The following CA5B variants were observed in gnomAD, a reference collection of about 807,000 sequenced individuals.
The protein encoded by CA5B is carbonic anhydrase 5B, mitochondrial.
Under a neutral mutation model 23.1 loss-of-function variants are expected in CA5B, and 15 were observed. The ratio of observed to expected loss-of-function variants is 0.65; its 90% CI spans 0.43 to 1.00. The LOEUF is 1.00. Among genes scored for constraint, CA5B ranks in the 50% least tolerant of loss-of-function variants. The probability of loss-of-function intolerance (pLI) is 0.00; values close to 1 mark genes in which losing one functional copy is unlikely to be tolerated. For synonymous variants in CA5B, 84 were observed against 98.5 expected, an observed-to-expected ratio of 0.85 and a Z score of 0.87; for missense variants, 236 against 252.2, an observed-to-expected ratio of 0.94 and a Z score of 0.43.
chrX:15,775,308 G>T lies in CA5B; in HGVS notation c.618G>T (p.Lys206Asn). 1 of 1,188,602 alleles carries T rather than the reference G, an allele frequency of 8.4e-7. No individual in the cohort carries two copies. Among genetic ancestry groups the T allele is most frequent in the Non-Finnish European group, 1.1e-6 (1 of 881,085 alleles). The change falls in exon 6 of 8, where the codon AAG (lysine) becomes AAT (asparagine). Residue 206 changes from lysine to asparagine, a missense_variant and splice_region_variant. Physicochemically the swap from Lys to Asn is moderately conservative, Grantham distance 94. Around this residue, in one of 3 missense-constraint regions of CA5B, gnomAD observed 170 missense variants for 162.0 expected, o/e 1.05. Transcript: ENST00000318636. The part of the protein sequence containing the change: ...LVDTLPSIKH[K>N]DALVEFGSFD... ...ATACTTTGCCGTCAATTAAGCATAA[G>T]GTACTATTTGTTTTCCTTAATTACT... is the stretch of plus-strand genomic sequence containing the variant.
Position 15,782,513 on chromosome X carries a change from C to G in CA5B, c.803C>G (p.Thr268Ser). 1 of 1,211,117 alleles carries G rather than the reference C, an allele frequency of 8.3e-7. No individual in the cohort carries two copies. The highest frequency in any genetic ancestry group is 1.1e-6 in the Non-Finnish European group (1 of 894,988). The change falls in exon 8 of 8, where the codon ACT becomes AGT. Residue 268 changes from threonine to serine, a missense_variant. Thr to Ser is a moderately conservative substitution (Grantham distance 58, BLOSUM62 1). Transcript: ENST00000318636. The stretch of plus-strand genomic sequence containing the variant: ...GAGCAATTTCGGACCCTGCTTTTCA[C>G]TTCCGAAGGGGAGAAAGAGAAAAGA... ...QLEQFRTLLF[T>S]SEGEKEKRMV...
chrX:15,781,123 A>G (rs776571520), intron 7 of CA5B, among the ~76,000 whole-genome samples: 1 of 110,535 alleles, frequency 9.0e-6, no homozygotes, highest in Admixed American at 9.6e-5. Context: ...GATTACAGGC[A>G]TGAGCCACCA....
chrX:15,784,861 C>T lies in CA5B; in HGVS notation c.*2197C>T, dbSNP rs7055587. ...AACTCAACAACAAAAAACCAAATAA[C>T]TCAATTTTTAAAAATGGGCAAAGGA... On this transcript the variant is annotated 3_prime_UTR_variant, in exon 8 of 8. Coordinates refer to ENST00000318636, the MANE Select transcript of CA5B (RefSeq NM_007220.4). The T allele has an allele frequency of 0.33, 36,649 of 111,023 alleles. 4,452 individuals are homozygous for T. Among genetic ancestry groups the T allele is most frequent in the East Asian group, 0.42 (1,474 of 3,546 alleles). 9.1% of individuals were successfully genotyped at this position (111,023 alleles called of 1,213,427 possible).
At chrX:15,776,338 CAA>C (rs1204466142) in intron 6 of CA5B, among the ~76,000 whole-genome samples, 5 of 43,673 alleles carry the variant, frequency 1.1e-4, no homozygotes, top group African/African-American at 1.8e-4. Flanking sequence ...GACTCTGTCT[CAA>C]AAAAAAAAAA....
At position 15,744,551 on chromosome X, in the gene CA5B, G is replaced by A. The variant is rs145575189; in HGVS notation, c.-53-5420G>A. On this transcript the variant is annotated intron_variant, in intron 1 of 7. Coordinates refer to ENST00000318636, the MANE Select transcript of CA5B (RefSeq NM_007220.4). ...AAATTACTATGTCTCATTCTAACTCGATTGTGAGCAAGAAAGGAGGCCTTT... is the reference window on the plus strand; with the variant it reads ...AAATTACTATGTCTCATTCTAACTCAATTGTGAGCAAGAAAGGAGGCCTTT... Among the ~76,000 whole-genome samples the A allele has an allele frequency of 5.4e-3, 602 of 112,031 alleles. 6 individuals carry two copies. The highest frequency in any genetic ancestry group is 0.018 in the African/African-American group (544 of 30,835).
chrX:15,750,543 T>A (rs1247260308), intron 2 of CA5B: 1 of 122,185 alleles, frequency 8.2e-6, no homozygotes, highest in African/African-American at 3.2e-5. Flanking sequence ...GCAATTGTCT[T>A]TTTTTTTTTC....
chrX:15,749,796 G>A, intron 1 of CA5B, 175 bp from the exon 2 acceptor site: 2 of 371,490 alleles, frequency 5.4e-6, no homozygotes, highest in Non-Finnish European at 9.3e-6. Context: ...CTCCACTGAG[G>A]GGACCAATGA....
chrX:15,775,524 T>A lies in CA5B; in HGVS notation c.618+216T>A, dbSNP rs1569280729. On this transcript the variant is annotated intron_variant, in intron 6 of 7. Transcript: ENST00000318636. ...GTTTTGCTGCAGTGCCGCTGAGGAC[T>A]TGGGGACTCAGGAACATATTGCTGT... is the stretch of plus-strand genomic sequence containing the variant. 17 of 941,156 alleles carry A rather than the reference T, an allele frequency of 1.8e-5. No homozygotes were observed. In the South Asian group the frequency reaches 6.4e-4, roughly 35 times the overall value. 77.6% of individuals were successfully genotyped at this position (941,156 alleles called of 1,213,427 possible).
intron 4 of CA5B, among the ~76,000 whole-genome samples, chrX:15,773,426 T>C (rs1249807572): frequency 5.7e-5 from 2 of 35,164 alleles, no homozygotes; most frequent in Non-Finnish European, 1.1e-4. Context: ...TTTTTTTTTT[T>C]TGGGACAGAG....
At chrX:15,742,498 C>T (rs1040654311) in intron 1 of CA5B, among the ~76,000 whole-genome samples, 6 of 112,337 alleles carry the variant, frequency 5.3e-5, no homozygotes, top group African/African-American at 9.7e-5. Flanking sequence ...CTCAGCCTCC[C>T]GAGTAGCTGG....
intron 6 of CA5B, chrX:15,776,030 T>C (rs1318412631): frequency 2.7e-6 from 2 of 751,373 alleles, no homozygotes; most frequent in African/African-American, 4.7e-5. Context: ...CAATTCTCAG[T>C]TAGCCTCTCG....
chrX:15,776,977 A>G (rs1486670891), intron 7 of CA5B, 108 bp downstream of exon 7: 2 of 630,740 alleles, frequency 3.2e-6, no homozygotes, highest in African/African-American at 2.2e-5. Context: ...ATGCTTATAC[A>G]TTTTTATTGA....
chrX:15,761,667 G>T (rs1409613118), intron 2 of CA5B, among the ~76,000 whole-genome samples: 1 of 111,362 alleles, frequency 9.0e-6, no homozygotes, highest in Non-Finnish European at 1.9e-5. Flanking sequence ...TTAGACCAGG[G>T]TTTATCAACT....
At chrX:15,765,508 G>T (rs781055704) in intron 3 of CA5B, 1 of 110,084 alleles carries the variant, frequency 9.1e-6, no homozygotes, top group African/African-American at 3.3e-5. Context: ...TTGCTTGTTT[G>T]TTTTACTGCA....
chrX:15,771,204 CAAAA>C (rs758945690), intron 3 of CA5B, among the ~76,000 whole-genome samples: 2 of 30,187 alleles, frequency 6.6e-5, no homozygotes, highest in Non-Finnish European at 1.1e-4. Flanking sequence ...CTCATCTCTA[CAAAA>C]AAAAAAAAAA....
chrX:15,764,320 A>G (rs5936043), intron 2 of CA5B, among the ~76,000 whole-genome samples: 38,163 of 107,480 alleles, frequency 0.36, 5,166 homozygotes, highest in Admixed American at 0.42. Flanking sequence ...ATGGCTCACA[A>G]CAGCCTCGAC....
At chrX:15,781,469 C>A (rs1932022489) in intron 7 of CA5B, among the ~76,000 whole-genome samples, 1 of 111,967 alleles carries the variant, frequency 8.9e-6, no homozygotes, top group Non-Finnish European at 1.9e-5. Context: ...AAATAAAATT[C>A]AGTTCCTCAG....
chrX:15,744,708 G>A (rs1415071581), intron 1 of CA5B, among the ~76,000 whole-genome samples: 1 of 110,521 alleles, frequency 9.0e-6, no homozygotes, highest in African/African-American at 3.3e-5. Context: ...CCTCATCATC[G>A]CGGAAGGTTC....
chrX:15,756,752 A>T (rs1024296386), intron 2 of CA5B, among the ~76,000 whole-genome samples: 1 of 111,717 alleles, frequency 9.0e-6, no homozygotes, highest in African/African-American at 3.3e-5. Context: ...CTCTACAAAA[A>T]ATTTTATTTA....
Sources: allele counts gnomAD v4.1 joint callset (sites outside exome capture counted in the v4.1 genomes callset), GRCh38; gene constraint gnomAD v4.1.1; regional missense constraint gnomAD v4.1.1; transcripts MANE v1.5; gene names NCBI Gene and HGNC (gene_info 2026-07-23, HGNC 2026-07-21).